Variants in GRHL1 observed in about 807,000 individuals in gnomAD.
The protein encoded by GRHL1 is grainyhead like transcription factor 1, also known as grainyhead-like protein 1 homolog.
In GRHL1, 38 loss-of-function variants were observed where a neutral mutation model predicts 75.7. The ratio of observed to expected loss-of-function variants is 0.50; its 90% confidence interval spans 0.39 to 0.66. The LOEUF is 0.66. Ranked by LOEUF, GRHL1 falls within the 30% of genes least tolerant of loss-of-function variation. The pLI is 0.00. For missense variants in GRHL1, 589 were observed against 767.5 expected, an observed-to-expected ratio of 0.77 and a Z score of 2.75; for synonymous variants, 266 against 279.4, an observed-to-expected ratio of 0.95 and a Z score of 0.48.
chr2:9,998,388 T>C (rs909295587), intron 14 of GRHL1, among the ~76,000 whole-genome samples: 1 of 148,838 alleles, frequency 6.7e-6, no homozygotes, highest in East Asian at 2.0e-4. Context: ...TCTTTGTGTC[T>C]GCGTTTTTGA....
chr2:9,954,590 C>G (rs542570067), intron 1 of GRHL1, among the ~76,000 whole-genome samples: 1 of 151,996 alleles, frequency 6.6e-6, no homozygotes, highest in African/African-American at 2.4e-5. Flanking sequence ...TTACTGTGTC[C>G]TTGTGTTTGT....
intron 8 of GRHL1, chr2:9,966,425 A>G (rs73159956): frequency 0.21 from 31,176 of 151,974 alleles, 3,379 homozygotes; most frequent in African/African-American, 0.26. Flanking sequence ...AAAAAACTCA[A>G]TAGAAACATA....
At chr2:9,973,215 G>A (rs537401124) in intron 8 of GRHL1, among the ~76,000 whole-genome samples, 1 of 152,284 alleles carries the variant, frequency 6.6e-6, no homozygotes, top group African/African-American at 2.4e-5. Context: ...CCTGGGAGAG[G>A]CTGGTCTCCT....
chr2:10,000,508 A>AC, intron 15 of GRHL1, 85 bp from the exon 16 acceptor site: 1 of 709,134 alleles, frequency 1.4e-6, no homozygotes, highest in Non-Finnish European at 2.6e-6. Flanking sequence ...GCAACTAGTA[A>AC]GTGGGAGAGC....
rs754297838 is a variant in GRHL1, at chr2:9,951,883, C to CG, written c.20+37dup. ...GTGAGGCGCAGGAGTCCGGCCGCCG[C>CG]GGGGGGGCCGCGCTGAGGGGCCGCA... is the stretch of plus-strand genomic sequence containing the variant. On this transcript the variant is annotated intron_variant, in intron 1 of 15. Coordinates refer to ENST00000324907, the MANE Select transcript of GRHL1 (RefSeq NM_198182.3). This position sits in a 1 kb window ranked among gnomAD's most constrained non-coding sequence, Gnocchi z 4.2. 81 of 1,422,074 alleles carry CG rather than the reference C, an allele frequency of 5.7e-5. No individual in the cohort carries two copies. Among genetic ancestry groups the CG allele is most frequent in the Non-Finnish European group, 6.6e-5 (71 of 1,073,692 alleles). 88.1% of individuals were successfully genotyped at this position (1,422,074 alleles called of 1,614,324 possible).
chr2:9,961,249 C>T lies in GRHL1; in HGVS notation c.482C>T (p.Thr161Ile). 1.2e-6 allele frequency: 2 copies of T among 1,614,164 alleles called. No homozygotes were observed. Among genetic ancestry groups the T allele is most frequent in the South Asian group, 2.2e-5 (2 of 91,076 alleles). Residue 161 changes from threonine to isoleucine, a missense_variant, in exon 4 of 16, where the codon ACC becomes ATC. This residue lies in a region of GRHL1 where 362 missense variants were observed against 461.8 expected (regional missense o/e 0.78). Transcript: ENST00000324907. ...CCTACCCACTCCATCAAGACAGAAA[C>T]CCAGCCACATGGCTTCGCTGTGGGA... is the stretch of plus-strand genomic sequence containing the variant. ...TMPTHSIKTE[T>I]QPHGFAVGIP... is the part of the protein sequence containing the mutation.
Position 9,963,930 on chromosome 2 carries a change from A to G in GRHL1, c.791A>G (p.Gln264Arg). The G allele has an allele frequency of 6.2e-7, 1 of 1,613,876 alleles. No individual in the cohort carries two copies. Reference protein sequence around the residue: ...YTLEASKSLRQKPGDSTMTYL... With the variant: ...YTLEASKSLRRKPGDSTMTYL... ...CTAGAAGCTTCAAAATCACTTCGAC[A>G]GAAGCCAGGAGACAGTACCATGACG... The change falls in exon 6 of 16, where the codon CAG becomes CGG. Residue 264 changes from glutamine (Q) to arginine (R), a missense_variant. Around this residue, in one of 5 missense-constraint regions of GRHL1, gnomAD observed 362 missense variants for 461.8 expected, o/e 0.78. Transcript: ENST00000324907.
chr2:9,978,283 A>G (rs2125227840), intron 8 of GRHL1, among the ~76,000 whole-genome samples: 1 of 152,320 alleles, frequency 6.6e-6, no homozygotes, highest in East Asian at 1.9e-4. Flanking sequence ...AGTGCAGTGG[A>G]CACAGCTGAG....
At chr2:9,979,545 C>T (rs1668108629) in intron 8 of GRHL1, among the ~76,000 whole-genome samples, 1 of 152,262 alleles carries the variant, frequency 6.6e-6, no homozygotes, top group African/African-American at 2.4e-5. Flanking sequence ...TTTTATTCTA[C>T]TCAGTTGAGC....
intron 8 of GRHL1, among the ~76,000 whole-genome samples, chr2:9,974,783 T>A (rs1667879269): frequency 6.6e-6 from 1 of 152,238 alleles, no homozygotes; most frequent in Non-Finnish European, 1.5e-5. Flanking sequence ...ATACATTCAT[T>A]CATTGAGCGA....
At position 9,961,206 on chromosome 2, in the gene GRHL1, G is replaced by C; in HGVS notation, c.439G>C (p.Val147Leu). The change falls in exon 4 of 16, where the codon GTC becomes CTC. Residue 147 changes from valine to leucine, a missense_variant. By Grantham distance (32) the Val-to-Leu change is conservative. Coordinates refer to ENST00000324907, the MANE Select transcript of GRHL1 (RefSeq NM_198182.3). ...GACAGCTCCAGATACGACAGTCACTGTCTCCATAGCAACGATGCCTACCCA... is the reference window on the plus strand; with the variant it reads ...GACAGCTCCAGATACGACAGTCACTCTCTCCATAGCAACGATGCCTACCCA... ...HLTAPDTTVT[V>L]SIATMPTHSI... 6.2e-7 allele frequency: 1 copy of C among 1,614,128 alleles called. No homozygotes were observed.
rs140529434 is a variant in GRHL1, at chr2:9,964,720, A to G, written c.1015+374A>G. ...AGAGAAAAAAACAAGTAAAAGAAAG[A>G]TATTGCTGCTGTGCAGTTGCCTAAC... On this transcript the variant is annotated intron_variant, in intron 7 of 15. Coordinates refer to ENST00000324907, the MANE Select transcript of GRHL1 (RefSeq NM_198182.3). 9.7e-4 allele frequency: 177 copies of G among 183,224 alleles called. No individual in the cohort carries two copies. In the Middle Eastern group the frequency reaches 9.7e-3, roughly 10 times the overall value. 11.3% of individuals were successfully genotyped at this position (183,224 alleles called of 1,614,324 possible). A position where few individuals can be genotyped will look rare whatever the true frequency, so the allele number is the denominator to read the frequency against.
intron 3 of GRHL1, 138 bp from the exon 4 acceptor site, chr2:9,960,908 T>C: frequency 6.5e-6 from 4 of 615,878 alleles, no homozygotes; most frequent in Non-Finnish European, 1.1e-5. Flanking sequence ...TATCTAGTAA[T>C]GGGTAGTTTT....
In GRHL1 at chr2:9,987,215, C is replaced by G. The variant is rs1208349959; in HGVS notation, c.1269+933C>G. On this transcript the variant is annotated intron_variant, in intron 9 of 15. Transcript: ENST00000324907. This position sits in a 1 kb window ranked among gnomAD's most constrained non-coding sequence, Gnocchi z 4.2. ...CTTGAATTCCTGGCCTCATGTGATG[C>G]GCCCACTTTGGCTTCCCAAAGTGCT... is the stretch of plus-strand genomic sequence containing the variant. Among the ~76,000 whole-genome samples, 1 of 151,990 alleles carries G rather than the reference C, an allele frequency of 6.6e-6. No individual in the cohort carries two copies. Among genetic ancestry groups the G allele is most frequent in the Non-Finnish European group, 1.5e-5 (1 of 67,982 alleles).
At chr2:9,964,195 C>T in intron 6 of GRHL1, 40 bp from the exon 7 acceptor site, 1 of 1,365,452 alleles carries the variant, frequency 7.3e-7, no homozygotes, top group Non-Finnish European at 1.0e-6. Flanking sequence ...ACATACTCAC[C>T]CTTTAGTGTC....
At chr2:9,999,962 T>G (rs1190818493) in intron 15 of GRHL1, among the ~76,000 whole-genome samples, 1 of 152,214 alleles carries the variant, frequency 6.6e-6, no homozygotes, top group Admixed American at 6.5e-5. Context: ...CTTCACATCA[T>G]GTAAGTTAGT....
chr2:9,975,834 C>T (rs547114800), intron 8 of GRHL1, among the ~76,000 whole-genome samples: 62 of 151,786 alleles, frequency 4.1e-4, no homozygotes, highest in African/African-American at 1.5e-3. Flanking sequence ...TGCAGTGAGC[C>T]GAGATTGCAC....
rs1491577907 is a variant in GRHL1, at chr2:9,998,423, CAT to C, written c.1678-541_1678-540del. 4.0e-3 allele frequency among the ~76,000 whole-genome samples: 134 copies of C among 33,852 alleles called. 10 individuals carry two copies. Among genetic ancestry groups the C allele is most frequent in the African/African-American group, 0.014 (80 of 5,742 alleles). 22.2% of individuals were successfully genotyped at this position (33,852 alleles called of 152,430 possible). A position where few individuals can be genotyped will look rare whatever the true frequency, so the allele number is the denominator to read the frequency against. On this transcript the variant is annotated intron_variant, in intron 14 of 15. Coordinates refer to ENST00000324907, the MANE Select transcript of GRHL1 (RefSeq NM_198182.3). ...AAAAACAAAAAGTCGAGTGACTATG[CAT>C]GTGTGTGTGTGTGTGTGTGTGTGTA...
intron 8 of GRHL1, among the ~76,000 whole-genome samples, chr2:9,984,879 T>C (rs115538162): frequency 0.021 from 3,137 of 150,264 alleles, 42 homozygotes; most frequent in Non-Finnish European, 0.034. Context: ...CTGGGCAACA[T>C]AGTGGAACCC....
Sources: allele counts gnomAD v4.1 joint callset (sites outside exome capture counted in the v4.1 genomes callset), GRCh38; gene constraint gnomAD v4.1.1; regional missense constraint gnomAD v4.1.1; non-coding constraint Gnocchi (gnomAD v3.1); transcripts MANE v1.5; gene names NCBI Gene and HGNC (gene_info 2026-07-23, HGNC 2026-07-21).